RIN2: variants seen among roughly 807,000 people sequenced by gnomAD.
RIN2 encodes Ras and Rab interactor 2.
Under a neutral mutation model 78.0 loss-of-function variants are expected in RIN2, and 36 were observed. The ratio of observed to expected loss-of-function variants is 0.46; its 90% confidence interval spans 0.35 to 0.61. RIN2 has a LOEUF of 0.61. Among genes scored for constraint, RIN2 ranks in the 20% least tolerant of loss-of-function variants. The probability of loss-of-function intolerance (pLI) is 0.00; values close to 1 mark genes in which losing one functional copy is unlikely to be tolerated. For missense variants in RIN2, 1,087 were observed against 1,159.7 expected (o/e 0.94, Z 0.91); for synonymous variants, 466 against 466.8 (o/e 1.00, Z 0.02).
Position 19,971,735 on chromosome 20 carries a change from A to ATTTTTTTTT in RIN2, c.628+822_628+830dup, listed in dbSNP as rs61019165. Reference sequence around the variant, plus strand: ...TGAATTCCCTTCTGCTGAAACTGCAATTTTTTTTTTTTTTTTTTTTTTTTG... The same window carrying ATTTTTTTTT: ...TGAATTCCCTTCTGCTGAAACTGCAATTTTTTTTTTTTTTTTTTTTTTTTTTTTTTTTTG... On this transcript the variant is annotated intron_variant, in intron 8 of 12. Transcript: ENST00000255006. 1.5e-3 allele frequency among the ~76,000 whole-genome samples: 133 copies of ATTTTTTTTT among 91,528 alleles called. 21 individuals carry two copies. The highest frequency in any genetic ancestry group is 6.2e-3 in the African/African-American group (124 of 20,140). 60.0% of individuals were successfully genotyped at this position (91,528 alleles called of 152,430 possible).
chr20:19,772,394 C>A (rs966423491), intron 1 of RIN2, among the ~76,000 whole-genome samples: 4 of 152,136 alleles, frequency 2.6e-5, no homozygotes, highest in Non-Finnish European at 5.9e-5. Context: ...CACCGATGAC[C>A]CCCCTGTTTT....
intron 2 of RIN2, among the ~76,000 whole-genome samples, chr20:19,862,409 T>C (rs1287092513): frequency 1.3e-5 from 2 of 152,228 alleles, no homozygotes; most frequent in African/African-American, 2.4e-5. Flanking sequence ...CTGGCCAACA[T>C]GGTGAAACCC....
intron 1 of RIN2, among the ~76,000 whole-genome samples, chr20:19,769,944 C>A (rs1228466572): frequency 6.6e-6 from 1 of 152,158 alleles, no homozygotes; most frequent in Non-Finnish European, 1.5e-5. Flanking sequence ...AAGTAATCAA[C>A]CCCAAGAGCA....
At chr20:19,776,599 G>T (rs1322345839) in intron 1 of RIN2, among the ~76,000 whole-genome samples, 5 of 152,050 alleles carry the variant, frequency 3.3e-5, no homozygotes, top group Non-Finnish European at 7.4e-5. Context: ...GGGCATGGTG[G>T]CGGCTGCCTG....
intron 4 of RIN2, among the ~76,000 whole-genome samples, chr20:19,954,935 T>C (rs1251442591): frequency 6.6e-6 from 1 of 152,168 alleles, no homozygotes; most frequent in Non-Finnish European, 1.5e-5. Flanking sequence ...AGGATGTCAA[T>C]ATGGTTTGGT....
At chr20:19,989,894 T>C (rs1210334790) in intron 9 of RIN2, 112 bp from the exon 10 acceptor site, 41 of 1,063,116 alleles carry the variant, frequency 3.9e-5, no homozygotes, top group Admixed American at 1.5e-4. Context: ...GGTGTACAAT[T>C]TGTGTGCCTG....
At chr20:19,782,378 A>G (rs1179141657) in intron 1 of RIN2, among the ~76,000 whole-genome samples, 1 of 152,094 alleles carries the variant, frequency 6.6e-6, no homozygotes, top group East Asian at 1.9e-4. Flanking sequence ...TAGCCTGGCC[A>G]ACATGGTGAA....
At chr20:19,919,103 T>A (rs1447351446) in intron 3 of RIN2, among the ~76,000 whole-genome samples, 1 of 152,210 alleles carries the variant, frequency 6.6e-6, no homozygotes, top group Non-Finnish European at 1.5e-5. Context: ...GTGGAGCAAC[T>A]GTTTGCCATG....
intron 2 of RIN2, among the ~76,000 whole-genome samples, chr20:19,867,406 C>T (rs907249938): frequency 6.6e-6 from 1 of 151,942 alleles, no homozygotes; most frequent in African/African-American, 2.4e-5. Flanking sequence ...TCCAATTATC[C>T]CAATAATGTC....
intron 1 of RIN2, among the ~76,000 whole-genome samples, chr20:19,777,747 C>T (rs746490871): frequency 5.9e-5 from 9 of 152,322 alleles, no homozygotes; most frequent in Non-Finnish European, 8.8e-5. Context: ...TCATTCCAGA[C>T]GAATTGTGAA....
chr20:19,971,928 G>A (rs904787562), intron 8 of RIN2, among the ~76,000 whole-genome samples: 6 of 151,928 alleles, frequency 3.9e-5, no homozygotes, highest in African/African-American at 1.2e-4. Context: ...TTTCAGTAGC[G>A]ACGGCGTTTC....
At chr20:19,826,729 A>G (rs1025655124) in intron 2 of RIN2, among the ~76,000 whole-genome samples, 1 of 152,160 alleles carries the variant, frequency 6.6e-6, no homozygotes, top group Non-Finnish European at 1.5e-5. Flanking sequence ...TGCGCAGGAC[A>G]GGCACGGAGG....
intron 3 of RIN2, among the ~76,000 whole-genome samples, chr20:19,932,545 G>A (rs1327555524): frequency 6.6e-6 from 1 of 152,120 alleles, no homozygotes; most frequent in African/African-American, 2.4e-5. Context: ...CAGTGCTTCT[G>A]GAAGCTCCCC....
chr20:19,844,634 TTCTTCTTCTTC>T (rs2036694715), intron 2 of RIN2, among the ~76,000 whole-genome samples: 1 of 127,716 alleles, frequency 7.8e-6, no homozygotes, highest in Non-Finnish European at 1.6e-5. Flanking sequence ...CTTCTTCTTC[TTCTTCTTCTTC>T]TTCTTCTTCT....
intron 2 of RIN2, among the ~76,000 whole-genome samples, chr20:19,873,573 A>G (rs1166516238): frequency 3.3e-5 from 5 of 152,196 alleles, no homozygotes; most frequent in Admixed American, 1.3e-4. Context: ...TGGTGTTTCA[A>G]TGAAACTTTA....
chr20:19,855,514 A>G (rs577652790), intron 2 of RIN2, among the ~76,000 whole-genome samples: 1 of 152,162 alleles, frequency 6.6e-6, no homozygotes, highest in East Asian at 1.9e-4. Flanking sequence ...CTGGTCCTGG[A>G]CTTTTTCTGG....
intron 11 of RIN2, among the ~76,000 whole-genome samples, chr20:19,994,998 A>AC (rs1167243551): frequency 6.6e-6 from 1 of 152,104 alleles, no homozygotes; most frequent in Non-Finnish European, 1.5e-5. Flanking sequence ...TTCATCTGCA[A>AC]CCTGAAAACA....
chr20:19,830,178 A>G (rs1274404465), intron 2 of RIN2, among the ~76,000 whole-genome samples: 1 of 152,218 alleles, frequency 6.6e-6, no homozygotes, highest in Non-Finnish European at 1.5e-5. Flanking sequence ...TATCATTTTT[A>G]TGAAACCATT....
At chr20:19,886,670 A>G in intron 2 of RIN2, 1 of 1,450,712 alleles carries the variant, frequency 6.9e-7, no homozygotes, top group Non-Finnish European at 9.4e-7. Context: ...TCTACTGGAC[A>G]TGTTGGACTC....
Sources: gnomAD v4.1 joint callset for allele counts (sites outside exome capture counted in the v4.1 genomes callset) on GRCh38, gnomAD v4.1.1 for gene constraint, MANE v1.5 for transcripts, NCBI Gene and HGNC (gene_info 2026-07-23, HGNC 2026-07-21) for gene names.